GTF2E1: variants seen among roughly 807,000 people sequenced by gnomAD.
The protein encoded by GTF2E1 is general transcription factor IIE subunit 1.
In GTF2E1, 14 loss-of-function variants were observed where a neutral mutation model predicts 34.9. The observed-to-expected ratio is 0.40, with a 90% CI of 0.27 to 0.63. The LOEUF (loss-of-function observed/expected upper bound fraction) is 0.63. Ranked by LOEUF, GTF2E1 falls within the 20% of genes least tolerant of loss-of-function variation. The pLI, the probability that GTF2E1 is intolerant of heterozygous loss-of-function variation, is 0.39. For synonymous variants in GTF2E1, 188 were observed against 192.9 expected, an observed-to-expected ratio of 0.97 and a Z score of 0.21; for missense variants, 469 against 557.7, an observed-to-expected ratio of 0.84 and a Z score of 1.60.
intron 2 of GTF2E1, among the ~76,000 whole-genome samples, chr3:120,759,227 T>C (rs1709236457): frequency 6.6e-6 from 1 of 152,246 alleles, no homozygotes; most frequent in Admixed American, 6.5e-5. Context: ...GTTGGCTGCA[T>C]AAATGTCTTC....
At chr3:120,749,675 A>G (rs982602636) in intron 1 of GTF2E1, 38 of 151,992 alleles carry the variant, frequency 2.5e-4, no homozygotes, top group African/African-American at 8.5e-4. Context: ...TTTATTGAGG[A>G]TTTTTGCATC....
At chr3:120,752,210 C>A (rs1226293326) in intron 2 of GTF2E1, among the ~76,000 whole-genome samples, 2 of 152,158 alleles carry the variant, frequency 1.3e-5, no homozygotes, top group Non-Finnish European at 2.9e-5. Flanking sequence ...AAGGGCTCCA[C>A]AAGGAGAGAT....
At chr3:120,761,872 A>C (rs1348230183) in intron 2 of GTF2E1, among the ~76,000 whole-genome samples, 1 of 148,668 alleles carries the variant, frequency 6.7e-6, no homozygotes, top group Non-Finnish European at 1.5e-5. Context: ...CTCACTGCAA[A>C]CTCTGCCTCC....
At chr3:120,761,883 C>T (rs562095885) in intron 2 of GTF2E1, among the ~76,000 whole-genome samples, 28 of 151,498 alleles carry the variant, frequency 1.8e-4, no homozygotes, top group South Asian at 4.2e-4. Flanking sequence ...CTCTGCCTCC[C>T]GGGTTCATGC....
At chr3:120,777,527 GT>G (rs1709411932) in intron 4 of GTF2E1, among the ~76,000 whole-genome samples, 1 of 152,090 alleles carries the variant, frequency 6.6e-6, no homozygotes, top group Admixed American at 6.5e-5. Flanking sequence ...GTTTTTTGGC[GT>G]TTCTCCTAGC....
chr3:120,750,571 C>G lies in GTF2E1; in HGVS notation c.19C>G (p.Leu7Val). Reference protein sequence around the residue: MADPDVLTEVPAALKRL... With the variant: MADPDVVTEVPAALKRL... ...GCTAAAGATGGCAGACCCAGATGTCCTCACTGAAGTTCCAGCAGCATTGAA... is the reference window on the plus strand; with the variant it reads ...GCTAAAGATGGCAGACCCAGATGTCGTCACTGAAGTTCCAGCAGCATTGAA... The change falls in exon 2 of 5, where the codon CTC becomes GTC. Residue 7 changes from leucine to valine, a missense_variant. Coordinates refer to ENST00000283875, the MANE Select transcript of GTF2E1 (RefSeq NM_005513.3). 6.2e-7 allele frequency: 1 copy of G among 1,611,208 alleles called. No individual in the cohort carries two copies. The highest frequency in any genetic ancestry group is 8.5e-7 in the Non-Finnish European group (1 of 1,177,514).
At chr3:120,774,046 T>C (rs758407252) in intron 3 of GTF2E1, among the ~76,000 whole-genome samples, 3 of 152,312 alleles carry the variant, frequency 2.0e-5, no homozygotes, top group Non-Finnish European at 4.4e-5. Flanking sequence ...AAACTCTGTG[T>C]TCAGGATTAT....
intron 2 of GTF2E1, among the ~76,000 whole-genome samples, chr3:120,762,247 G>A (rs1299799076): frequency 6.6e-6 from 1 of 152,162 alleles, no homozygotes; most frequent in East Asian, 1.9e-4. Context: ...GTCTAGAGCT[G>A]AGTTCAAGTC....
intron 2 of GTF2E1, among the ~76,000 whole-genome samples, chr3:120,761,661 C>T (rs1709264453): frequency 6.6e-6 from 1 of 152,086 alleles, no homozygotes; most frequent in Admixed American, 6.5e-5. Flanking sequence ...TTTATTTCTG[C>T]CTTCATTTCA....
At chr3:120,763,796 A>G (rs1336542416) in intron 2 of GTF2E1, among the ~76,000 whole-genome samples, 2 of 151,956 alleles carry the variant, frequency 1.3e-5, no homozygotes, top group South Asian at 2.1e-4. Context: ...CGTGTAGACT[A>G]TTTGTCATAG....
chr3:120,759,046 G>A (rs1487730489), intron 2 of GTF2E1, among the ~76,000 whole-genome samples: 4 of 152,166 alleles, frequency 2.6e-5, no homozygotes, highest in Middle Eastern at 3.2e-3. Context: ...TAGTATAAAA[G>A]CATTCTTATT....
chr3:120,761,743 T>C (rs1188937313), intron 2 of GTF2E1, among the ~76,000 whole-genome samples: 1 of 152,158 alleles, frequency 6.6e-6, no homozygotes, highest in Non-Finnish European at 1.5e-5. Flanking sequence ...AGTGAGTTTC[T>C]TAATCCTGAG....
chr3:120,743,022 G>A (rs1251110588), intron 1 of GTF2E1: 1 of 163,568 alleles, frequency 6.1e-6, no homozygotes, highest in African/African-American at 2.4e-5. Flanking sequence ...AACTGGGAGA[G>A]TCCGAGGGAG....
At chr3:120,775,973 A>G (rs1341814153) in intron 3 of GTF2E1, among the ~76,000 whole-genome samples, 1 of 152,184 alleles carries the variant, frequency 6.6e-6, no homozygotes, top group African/African-American at 2.4e-5. Context: ...AAGCACACAG[A>G]ACCACTTTGA....
In GTF2E1 at chr3:120,761,287, G is replaced by A. The variant is rs538240965; in HGVS notation, c.449-9441G>A. Among the ~76,000 whole-genome samples the A allele has an allele frequency of 8.0e-4, 121 of 152,098 alleles. 1 individual carries two copies. Among genetic ancestry groups the A allele is most frequent in the African/African-American group, 2.8e-3 (117 of 41,502 alleles). ...GATATCCCCTTTATCGTTTTTTATTGCATCTATTTGATTCTTCTCTCTTTT... is the reference window on the plus strand; with the variant it reads ...GATATCCCCTTTATCGTTTTTTATTACATCTATTTGATTCTTCTCTCTTTT... On this transcript the variant is annotated intron_variant, in intron 2 of 4. Coordinates refer to ENST00000283875, the MANE Select transcript of GTF2E1 (RefSeq NM_005513.3).
At position 120,781,331 on chromosome 3, in the gene GTF2E1, C is replaced by T; in HGVS notation, c.1181C>T (p.Pro394Leu). Residue 394 changes from proline to leucine, a missense_variant, in exon 5 of 5, where the codon CCC becomes CTC. Physicochemically the swap from Pro to Leu is moderately conservative, Grantham distance 98 (BLOSUM62 -3). Coordinates refer to ENST00000283875, the MANE Select transcript of GTF2E1 (RefSeq NM_005513.3). ...DDEFEEVADD[P>L]IVMVAGRPFS... ...GAGTTTGAAGAAGTAGCAGATGACC[C>T]CATTGTCATGGTGGCTGGCCGTCCG... The T allele has an allele frequency of 6.2e-7, 1 of 1,614,112 alleles. No individual in the cohort carries two copies. The highest frequency in any genetic ancestry group is 8.5e-7 in the Non-Finnish European group (1 of 1,179,998).
At chr3:120,777,994 G>A (rs1164602373) in intron 4 of GTF2E1, among the ~76,000 whole-genome samples, 1 of 152,196 alleles carries the variant, frequency 6.6e-6, no homozygotes, top group Non-Finnish European at 1.5e-5. Context: ...AAAGTGCTGG[G>A]ATTACAGGCA....
chr3:120,761,209 C>T (rs919178735), intron 2 of GTF2E1, among the ~76,000 whole-genome samples: 5 of 152,038 alleles, frequency 3.3e-5, no homozygotes, highest in Admixed American at 1.3e-4. Context: ...ATTTTTGTAG[C>T]GTTGTTTATA....
chr3:120,763,092 C>T (rs1709278387), intron 2 of GTF2E1, among the ~76,000 whole-genome samples: 1 of 152,106 alleles, frequency 6.6e-6, no homozygotes, highest in South Asian at 2.1e-4. Flanking sequence ...CTTATTTTTC[C>T]AAGCTCCCCA....
Sources: allele counts gnomAD v4.1 joint callset (sites outside exome capture counted in the v4.1 genomes callset), GRCh38; gene constraint gnomAD v4.1.1; transcripts MANE v1.5; gene names NCBI Gene and HGNC (gene_info 2026-07-23, HGNC 2026-07-21).